Variants in RP1 observed in about 807,000 individuals in gnomAD.
RP1 encodes the protein oxygen-regulated protein 1.
RP1 carries 16 observed loss-of-function variants against 14.8 expected under a neutral mutation model. That is an observed-to-expected ratio of 1.08 (90% CI 0.73 to 1.65). RP1 has a LOEUF of 1.65. RP1 is among the 40% of genes most tolerant of loss of function. RP1 has a pLI of 0.00. For missense variants in RP1, 2,631 were observed against 2,535.0 expected (o/e 1.04, Z -0.81); for synonymous variants, 876 against 883.6 (o/e 0.99, Z 0.15).
At chr8:54,772,119 G>A (rs1232922713), downstream of RP1, among the ~76,000 whole-genome samples, 1 of 152,020 alleles carries the variant, frequency 6.6e-6, no homozygotes, top group Non-Finnish European at 1.5e-5. Context: ...TCTGGGACAT[G>A]TTTTCTAAAC....
At chr8:54,773,101 T>A (rs549614597), downstream of RP1, among the ~76,000 whole-genome samples, 10 of 152,238 alleles carry the variant, frequency 6.6e-5, no homozygotes, top group East Asian at 1.9e-3. Flanking sequence ...CCCACACTTG[T>A]GTGGCCATCA....
At chr8:54,660,777 T>C (rs1374343641) in intron 6 of RP1, among the ~76,000 whole-genome samples, 2 of 152,166 alleles carry the variant, frequency 1.3e-5, no homozygotes, top group Non-Finnish European at 2.9e-5. Context: ...AACTATTTTG[T>C]ATTTCAGTTT....
At chr8:54,772,364 T>C (rs934305138), downstream of RP1, among the ~76,000 whole-genome samples, 1 of 151,914 alleles carries the variant, frequency 6.6e-6, no homozygotes, top group Non-Finnish European at 1.5e-5. Context: ...AATTATATAA[T>C]AAAAAATAAG....
chr8:54,633,877 T>G (rs1052345785), downstream of RP1, among the ~76,000 whole-genome samples: 1 of 151,954 alleles, frequency 6.6e-6, no homozygotes, highest in African/African-American at 2.4e-5. Flanking sequence ...GTGTATTATC[T>G]TAGTCCTCAC....
upstream of RP1, among the ~76,000 whole-genome samples, chr8:54,611,488 G>T (rs898352068): frequency 3.3e-5 from 5 of 152,052 alleles, no homozygotes; most frequent in Non-Finnish European, 5.9e-5. Flanking sequence ...AACTGCTCTT[G>T]TGAATTTTTC....
chr8:54,755,762 A>G, exon 21 of RP1: 3 of 1,526,200 alleles, frequency 2.0e-6, no homozygotes, highest in Non-Finnish European at 2.6e-6. Context: ...AAAATTTCAA[A>G]GAGGACAGGT....
intron 14 of RP1, chr8:54,701,729 A>G: frequency 3.5e-6 from 5 of 1,412,332 alleles, no homozygotes; most frequent in South Asian, 1.3e-5. Context: ...CTATTGAGCA[A>G]AAGTCTTAAA....
At chr8:54,662,109 C>G (rs1429549838) in intron 6 of RP1, among the ~76,000 whole-genome samples, 1 of 152,066 alleles carries the variant, frequency 6.6e-6, no homozygotes, top group Non-Finnish European at 1.5e-5. Flanking sequence ...GGTGATGTCT[C>G]CATTCTCTTT....
chr8:54,640,752 C>A (rs148871609), intron 3 of RP1, among the ~76,000 whole-genome samples: 2 of 152,178 alleles, frequency 1.3e-5, no homozygotes, highest in African/African-American at 4.8e-5. Flanking sequence ...TTTTTCTGGC[C>A]TGAAAAGAGA....
intron 7 of RP1, among the ~76,000 whole-genome samples, chr8:54,666,840 A>C (rs1358012913): frequency 6.6e-6 from 1 of 152,054 alleles, no homozygotes; most frequent in African/African-American, 2.4e-5. Context: ...TTCAAATGCC[A>C]AGCCCCATCT....
At chr8:54,608,052 T>C (rs1415308275) in intron 1 of RP1, among the ~76,000 whole-genome samples, 1 of 152,064 alleles carries the variant, frequency 6.6e-6, no homozygotes, top group Admixed American at 6.6e-5. Flanking sequence ...CCCACTGTCC[T>C]GCACCCACTG....
chr8:54,706,330 A>G (rs1808148910), intron 14 of RP1: 3 of 1,042,366 alleles, frequency 2.9e-6, no homozygotes, highest in Admixed American at 2.7e-5. Context: ...TTCAGCCACC[A>G]AGCCTCCTGG....
At chr8:54,862,100 A>G (rs909974282) in intron 27 of RP1, among the ~76,000 whole-genome samples, 1 of 152,162 alleles carries the variant, frequency 6.6e-6, no homozygotes, top group Non-Finnish European at 1.5e-5. Context: ...CAAGAGAGTC[A>G]CACAACAAAG....
Position 54,626,389 on chromosome 8 carries a change from C to G in RP1, c.2507C>G (p.Pro836Arg). Reference protein sequence around the residue: ...LEQKPKDFYAPQSQAEVASGY... With the variant: ...LEQKPKDFYARQSQAEVASGY... ...CAAAAACCCAAAGATTTTTATGCAC[C>G]GCAATCTCAAGCAGAAGTGGCATCT... The change falls in exon 4 of 4, where the codon CCG (proline) becomes CGG (arginine). Residue 836 changes from proline (P) to arginine (R), a missense_variant. By Grantham distance (103) the Pro-to-Arg change is moderately radical. Coordinates refer to ENST00000220676, the MANE Select transcript of RP1 (RefSeq NM_006269.2). 4 of 1,612,968 alleles carry G rather than the reference C, an allele frequency of 2.5e-6. No individual in the cohort carries two copies. Among genetic ancestry groups the G allele is most frequent in the Non-Finnish European group, 3.4e-6 (4 of 1,179,742 alleles).
chr8:54,717,840 T>C (rs1808441905), intron 15 of RP1, among the ~76,000 whole-genome samples: 1 of 152,102 alleles, frequency 6.6e-6, no homozygotes, highest in African/African-American at 2.4e-5. Context: ...ATGTAGGTAA[T>C]CCCAAAGAAT....
At chr8:54,843,696 C>T (rs1873963) in intron 25 of RP1, among the ~76,000 whole-genome samples, 36,870 of 152,090 alleles carry the variant, frequency 0.24, 5,221 homozygotes, top group Middle Eastern at 0.46. Flanking sequence ...GGTTTATCTT[C>T]GGGAAGTTTG....
chr8:54,697,362 C>A (rs992480508), intron 12 of RP1, among the ~76,000 whole-genome samples: 1 of 152,072 alleles, frequency 6.6e-6, no homozygotes, highest in African/African-American at 2.4e-5. Context: ...CGAGATCAGC[C>A]TGACCAACAT....
At chr8:54,694,304 G>T (rs995689494) in intron 12 of RP1, among the ~76,000 whole-genome samples, 1 of 152,110 alleles carries the variant, frequency 6.6e-6, no homozygotes, top group African/African-American at 2.4e-5. Flanking sequence ...TCTCTGCCAG[G>T]CTTTGGTATC....
intron 24 of RP1, among the ~76,000 whole-genome samples, chr8:54,831,401 C>CTTTT (rs368455444): frequency 2.9e-5 from 3 of 102,720 alleles, no homozygotes; most frequent in Admixed American, 1.0e-4. Context: ...CCTATTGTTT[C>CTTTT]TTTTTTTTTT....
Sources: gnomAD v4.1 joint callset for allele counts (sites outside exome capture counted in the v4.1 genomes callset) on GRCh38, gnomAD v4.1.1 for gene constraint, MANE v1.5 for transcripts, NCBI Gene and HGNC (gene_info 2026-07-23, HGNC 2026-07-21) for gene names.